Variants in ST8SIA5 observed in about 807,000 individuals in gnomAD.
The protein encoded by ST8SIA5 is ST8 alpha-N-acetyl-neuraminide alpha-2,8-sialyltransferase 5.
Under a neutral mutation model 40.2 loss-of-function variants are expected in ST8SIA5, and 24 were observed. The ratio of observed to expected loss-of-function variants is 0.60; its 90% CI spans 0.43 to 0.84. The LOEUF (loss-of-function observed/expected upper bound fraction) is 0.84, where lower values mean the gene tolerates loss of function less well. ST8SIA5 is among the 40% of genes least tolerant of loss of function. The pLI, the probability that ST8SIA5 is intolerant of heterozygous loss-of-function variation, is 0.00. For synonymous variants in ST8SIA5, 198 were observed against 201.8 expected, an observed-to-expected ratio of 0.98 and a Z score of 0.16; for missense variants, 465 against 498.5, an observed-to-expected ratio of 0.93 and a Z score of 0.64.
chr18:46,710,474 C>G (rs1032875099), intron 1 of ST8SIA5, among the ~76,000 whole-genome samples: 3 of 123,358 alleles, frequency 2.4e-5, no homozygotes, highest in African/African-American at 9.2e-5. Context: ...CTTCCTTCTC[C>G]CTTCCCCTTC....
chr18:46,692,649 C>T (rs750073375), intron 2 of ST8SIA5, among the ~76,000 whole-genome samples: 24 of 152,068 alleles, frequency 1.6e-4, no homozygotes, highest in African/African-American at 4.8e-4. Flanking sequence ...GGGATCCTTC[C>T]GCTTCGGTCT....
At chr18:46,755,149 G>A (rs2040229472) in intron 1 of ST8SIA5, among the ~76,000 whole-genome samples, 1 of 152,188 alleles carries the variant, frequency 6.6e-6, no homozygotes, top group South Asian at 2.1e-4. Flanking sequence ...CCAGCTCCGG[G>A]GGAGTTACAA....
At chr18:46,703,607 T>A (rs1175331356) in intron 2 of ST8SIA5, among the ~76,000 whole-genome samples, 1 of 151,960 alleles carries the variant, frequency 6.6e-6, no homozygotes, top group African/African-American at 2.4e-5. Context: ...CTAGTTGGAA[T>A]CACATCAGAT....
At position 46,670,560 on chromosome 18, in the gene ST8SIA5, A is replaced by C. The variant is rs1219625436; in HGVS notation, c.*9482T>G. The stretch of plus-strand genomic sequence containing the variant: ...CCTCCTGGGCTCAAGCCAGTCTCCC[A>C]CCTCAACCTCTTGAGTAGCTGGGAC... On this transcript the variant is annotated 3_prime_UTR_variant, in exon 7 of 7. Transcript: ENST00000315087. 6.6e-6 allele frequency: 1 copy of C among 152,232 alleles called. No homozygotes were observed. The highest frequency in any genetic ancestry group is 6.6e-5 in the Admixed American group (1 of 15,254). The allele number at this position is 152,232 out of a possible 1,614,324, so 9.4% of individuals were successfully genotyped here.
chr18:46,740,879 T>A (rs925039134), intron 1 of ST8SIA5, among the ~76,000 whole-genome samples: 8 of 152,166 alleles, frequency 5.3e-5, no homozygotes, highest in African/African-American at 1.9e-4. Context: ...ACATCGTAAA[T>A]GCAATGTCGT....
rs766641890 is a variant in ST8SIA5 at position 46,692,081 on chromosome 18, C to T, written c.311+88G>A. The T allele has an allele frequency of 4.1e-5, 57 of 1,391,904 alleles. No homozygotes were observed. The Middle Eastern group carries it at 8.9e-4, about 22-fold the overall frequency. 86.2% of individuals were successfully genotyped at this position (1,391,904 alleles called of 1,614,324 possible). A position where few individuals can be genotyped will look rare whatever the true frequency, so the allele number is the denominator to read the frequency against. On this transcript the variant is annotated intron_variant, in intron 3 of 6. Coordinates refer to ENST00000315087, the MANE Select transcript of ST8SIA5 (RefSeq NM_013305.6). ...CTCTGGGGAAGATGCACGCTGAGAGCTGGGCCTTGCAGGACAATGGAGACC... is the reference window on the plus strand; with the variant it reads ...CTCTGGGGAAGATGCACGCTGAGAGTTGGGCCTTGCAGGACAATGGAGACC...
intron 4 of ST8SIA5, among the ~76,000 whole-genome samples, chr18:46,687,203 T>C (rs1401913851): frequency 2.0e-5 from 3 of 152,218 alleles, no homozygotes; most frequent in African/African-American, 7.2e-5. Flanking sequence ...GAAACTATTT[T>C]GTGATACATG....
intron 1 of ST8SIA5, among the ~76,000 whole-genome samples, chr18:46,755,127 C>G (rs899213637): frequency 7.2e-5 from 11 of 152,192 alleles, no homozygotes; most frequent in Non-Finnish European, 1.3e-4. Context: ...GAACAAGGTG[C>G]CTCATTACTC....
chr18:46,682,062 C>T lies in ST8SIA5; in HGVS notation c.572G>A (p.Cys191Tyr). ...EINSADFVFR[C>Y]NLPPISEKYT... The stretch of plus-strand genomic sequence containing the variant: ...CTTCTCTGAGATGGGGGGCAGGTTG[C>T]ACCTGCAGAAGAGAAAAGGCAGCCC... The change falls in exon 6 of 7, where the codon TGC becomes TAC. Residue 191 changes from cysteine to tyrosine, a missense_variant and splice_region_variant. Physicochemically the swap from Cys to Tyr is radical, Grantham distance 194. Transcript: ENST00000315087. The T allele has an allele frequency of 6.2e-7, 1 of 1,605,984 alleles. No homozygotes were observed. Among genetic ancestry groups the T allele is most frequent in the Non-Finnish European group, 8.5e-7 (1 of 1,176,628 alleles).
At chr18:46,688,053 C>T (rs1195967009) in intron 4 of ST8SIA5, among the ~76,000 whole-genome samples, 5 of 152,216 alleles carry the variant, frequency 3.3e-5, no homozygotes, top group African/African-American at 9.6e-5. Context: ...CTGAACAGTT[C>T]ACGTCTGCAG....
intron 1 of ST8SIA5, among the ~76,000 whole-genome samples, chr18:46,735,281 T>G (rs1233219913): frequency 6.6e-6 from 1 of 152,224 alleles, no homozygotes; most frequent in Non-Finnish European, 1.5e-5. Flanking sequence ...TGGCCTATTG[T>G]GGGACTTCGC....
At chr18:46,736,099 AAAT>A (rs1271381592) in intron 1 of ST8SIA5, among the ~76,000 whole-genome samples, 6 of 152,216 alleles carry the variant, frequency 3.9e-5, no homozygotes, top group Non-Finnish European at 8.8e-5. Flanking sequence ...TAATATATTC[AAAT>A]ATTATCATTT....
chr18:46,754,067 G>T (rs1005435191), intron 1 of ST8SIA5, among the ~76,000 whole-genome samples: 8 of 152,080 alleles, frequency 5.3e-5, no homozygotes, highest in Admixed American at 1.3e-4. Flanking sequence ...ATCACATCAG[G>T]CCAGTTCATT....
chr18:46,692,666 G>T (rs971429147), intron 2 of ST8SIA5, among the ~76,000 whole-genome samples: 2 of 152,092 alleles, frequency 1.3e-5, no homozygotes, highest in South Asian at 4.1e-4. Context: ...GTCTCCCAAA[G>T]TGCTGGGATT....
chr18:46,713,337 A>T (rs1006670363), intron 1 of ST8SIA5, among the ~76,000 whole-genome samples: 1 of 152,146 alleles, frequency 6.6e-6, no homozygotes, highest in Non-Finnish European at 1.5e-5. Flanking sequence ...GGATGACATA[A>T]CCATTTAAAG....
At chr18:46,682,824 G>A (rs1475783018) in intron 5 of ST8SIA5, among the ~76,000 whole-genome samples, 3 of 152,326 alleles carry the variant, frequency 2.0e-5, no homozygotes. Context: ...CAGAGAAAGA[G>A]ACTGAAAGAT....
At chr18:46,693,062 G>A (rs200181036) in intron 2 of ST8SIA5, among the ~76,000 whole-genome samples, 43 of 151,944 alleles carry the variant, frequency 2.8e-4, no homozygotes, top group African/African-American at 1.0e-3. Context: ...CCTCCTGACC[G>A]GCCCTGGGGC....
At position 46,749,800 on chromosome 18, in the gene ST8SIA5, G is replaced by A. The variant is rs1196158810; in HGVS notation, c.131+6578C>T. On this transcript the variant is annotated intron_variant, in intron 1 of 6. Transcript: ENST00000315087. ...CCCCCAAAATTCCTATGTTGAAATC[G>A]AATCCCAAGGCAATGGTATTTAGAG... 2.0e-5 allele frequency among the ~76,000 whole-genome samples: 3 copies of A among 152,238 alleles called. 1 individual carries two copies. Among genetic ancestry groups the A allele is most frequent in the South Asian group, 4.1e-4 (2 of 4,822 alleles).
intron 1 of ST8SIA5, among the ~76,000 whole-genome samples, chr18:46,730,538 T>C (rs1031324589): frequency 5.3e-5 from 8 of 152,324 alleles, no homozygotes; most frequent in Middle Eastern, 3.4e-3. Flanking sequence ...TTTGATTTTA[T>C]ACATGCTTGC....
Sources: gnomAD v4.1 joint callset for allele counts (sites outside exome capture counted in the v4.1 genomes callset) on GRCh38, gnomAD v4.1.1 for gene constraint, MANE v1.5 for transcripts, NCBI Gene and HGNC (gene_info 2026-07-23, HGNC 2026-07-21) for gene names.